The following GK5 variants were observed in gnomAD, a reference collection of about 807,000 sequenced individuals.
GK5 encodes glycerol kinase 5.
GK5 carries 39 observed loss-of-function variants against 77.3 expected under a neutral mutation model. The observed-to-expected ratio is 0.50, with a 90% confidence interval of 0.39 to 0.66. The LOEUF (loss-of-function observed/expected upper bound fraction) is 0.66. Among genes scored for constraint, GK5 ranks in the 30% least tolerant of loss-of-function variants. The pLI, the probability that GK5 is intolerant of heterozygous loss-of-function variation, is 0.00. For missense variants in GK5, 487 were observed against 633.8 expected (o/e 0.77, Z 2.49); for synonymous variants, 211 against 208.0 (o/e 1.01, Z -0.13).
In GK5 at chr3:142,212,219, C is replaced by T. The variant is rs140723364; in HGVS notation, c.317+1307G>A. ...ACAGTGGTGTGTGTGGGTACGTGGG[C>T]GGGGGGATTTTGGGGGAGGGAATGT... is the stretch of plus-strand genomic sequence containing the variant. On this transcript the variant is annotated intron_variant, in intron 3 of 15. Coordinates refer to ENST00000392993, the MANE Select transcript of GK5 (RefSeq NM_001039547.3). Among the ~76,000 whole-genome samples the T allele has an allele frequency of 3.1e-3, 472 of 150,242 alleles. 2 individuals are homozygous for T. Among genetic ancestry groups the T allele is most frequent in the Middle Eastern group, 0.01 (3 of 294 alleles).
intron 5 of GK5, among the ~76,000 whole-genome samples, chr3:142,193,996 C>A (rs1025475726): frequency 2.0e-5 from 3 of 152,282 alleles, no homozygotes; most frequent in East Asian, 3.9e-4. Flanking sequence ...CCCCCTCGGC[C>A]TCCCAAAGTG....
intron 15 of GK5, among the ~76,000 whole-genome samples, chr3:142,167,853 A>C (rs2063490921): frequency 6.6e-6 from 1 of 152,134 alleles, no homozygotes; most frequent in Admixed American, 6.5e-5. Context: ...CTCTACTAAA[A>C]ATACAAAAAT....
At position 142,165,498 on chromosome 3, in the gene GK5, A is replaced by T; in HGVS notation, c.*124T>A. On this transcript the variant is annotated 3_prime_UTR_variant, in exon 16 of 16. Transcript: ENST00000392993. ...TGTTTTTTTAAAAGCAATGCTTCTTAAGTTATGAAGCTTATTTAAAATTTT... is the reference window on the plus strand; with the variant it reads ...TGTTTTTTTAAAAGCAATGCTTCTTTAGTTATGAAGCTTATTTAAAATTTT... 1 of 655,836 alleles carries T rather than the reference A, an allele frequency of 1.5e-6. No homozygotes were observed. Among genetic ancestry groups the T allele is most frequent in the Non-Finnish European group, 2.4e-6 (1 of 416,780 alleles). The allele number at this position is 655,836 out of a possible 1,614,324, so 40.6% of individuals were successfully genotyped here.
In GK5 at chr3:142,225,545, C is replaced by T. The variant is rs931973850; in HGVS notation, c.-90G>A. Reference sequence around the variant, plus strand: ...TCCAGAGTCCCCGGGCGGCCCAACCCGGGCCCCAACCCGGCTCAGCCGGAG... The same window carrying T: ...TCCAGAGTCCCCGGGCGGCCCAACCTGGGCCCCAACCCGGCTCAGCCGGAG... On this transcript the variant is annotated 5_prime_UTR_variant, in exon 1 of 16. Coordinates refer to ENST00000392993, the MANE Select transcript of GK5 (RefSeq NM_001039547.3). The T allele has an allele frequency of 3.4e-6, 5 of 1,476,362 alleles. No homozygotes were observed. The highest frequency in any genetic ancestry group is 4.5e-6 in the Non-Finnish European group (5 of 1,109,228). 91.5% of individuals were successfully genotyped at this position (1,476,362 alleles called of 1,614,324 possible).
At chr3:142,173,679 G>T (rs1448913802) in intron 12 of GK5, among the ~76,000 whole-genome samples, 1 of 139,358 alleles carries the variant, frequency 7.2e-6, no homozygotes, top group Non-Finnish European at 1.6e-5. Context: ...GCAAGACTCC[G>T]TCTCAAAACA....
chr3:142,175,408 TAGG>T (rs941044053), intron 12 of GK5, among the ~76,000 whole-genome samples: 17 of 152,280 alleles, frequency 1.1e-4, no homozygotes, highest in Admixed American at 1.3e-4. Context: ...ATGAGACTAT[TAGG>T]GGCCTTCAAC....
Position 142,170,378 on chromosome 3 carries a change from G to T in GK5, c.1388C>A (p.Ala463Asp). Residue 463 changes from alanine to aspartate, a missense_variant, in exon 15 of 16, where the codon GCC becomes GAC. Physicochemically the swap from Ala to Asp is moderately radical, Grantham distance 126 (BLOSUM62 -2). This residue lies in a region of GK5 where 65 missense variants were observed against 89.9 expected (regional missense o/e 0.72). Transcript: ENST00000392993. Reference sequence around the variant, plus strand: ...ACCCAGGCATGACATGTCAATGTCGGCAGGTCTGTCTATATTCTCATTAAT... The same window carrying T: ...ACCCAGGCATGACATGTCAATGTCGTCAGGTCTGTCTATATTCTCATTAAT... The part of the protein sequence containing the change: ...DLINENIDRP[A>D]DIDMSCLGAA... 1 of 1,613,808 alleles carries T rather than the reference G, an allele frequency of 6.2e-7. No homozygotes were observed.
rs556634569 is a variant in GK5, at chr3:142,158,975, G to C, written c.*6647C>G. 3.3e-5 allele frequency: 5 copies of C among 152,196 alleles called. No individual in the cohort carries two copies. The highest frequency in any genetic ancestry group is 6.5e-5 in the Admixed American group (1 of 15,282). The allele number at this position is 152,196 out of a possible 1,614,324, so 9.4% of individuals were successfully genotyped here. A position where few individuals can be genotyped will look rare whatever the true frequency, so the allele number is the denominator to read the frequency against. ...CAAAATGCTATACACATTTTGCCTG[G>C]AAAGATTTAAAAAATCCCACATAAT... is the stretch of plus-strand genomic sequence containing the variant. On this transcript the variant is annotated 3_prime_UTR_variant, in exon 16 of 16. Coordinates refer to ENST00000392993, the MANE Select transcript of GK5 (RefSeq NM_001039547.3).
rs2063408723 is a variant in GK5 at position 142,159,608 on chromosome 3, A to G, written c.*6014T>C. 6.6e-6 allele frequency: 1 copy of G among 150,696 alleles called. No homozygotes were observed. Among genetic ancestry groups the G allele is most frequent in the African/African-American group, 2.5e-5 (1 of 40,666 alleles). 9.3% of individuals were successfully genotyped at this position (150,696 alleles called of 1,614,324 possible). Reference sequence around the variant, plus strand: ...AATAGATGCTGGTGCCAAAATATTTATGGCTATGAGGCTTCAAAACTTAAA... The same window carrying G: ...AATAGATGCTGGTGCCAAAATATTTGTGGCTATGAGGCTTCAAAACTTAAA... On this transcript the variant is annotated 3_prime_UTR_variant, in exon 16 of 16. Coordinates refer to ENST00000392993, the MANE Select transcript of GK5 (RefSeq NM_001039547.3).
At chr3:142,221,229 T>C (rs1172874885) in intron 1 of GK5, among the ~76,000 whole-genome samples, 1 of 152,208 alleles carries the variant, frequency 6.6e-6, no homozygotes, top group Non-Finnish European at 1.5e-5. Context: ...AAAAAACAGA[T>C]TTAACACAAT....
intron 3 of GK5, among the ~76,000 whole-genome samples, chr3:142,210,207 T>G (rs1227843501): frequency 6.6e-6 from 1 of 151,950 alleles, no homozygotes; most frequent in Non-Finnish European, 1.5e-5. Flanking sequence ...ACAGCAACTG[T>G]GAGGAAAATA....
chr3:142,190,617 AAT>A (rs748690974), intron 5 of GK5, among the ~76,000 whole-genome samples: 42 of 152,324 alleles, frequency 2.8e-4, no homozygotes, highest in Non-Finnish European at 3.8e-4. Context: ...AAGCACAGAA[AAT>A]ATGTTTGATA....
chr3:142,215,502 T>C (rs2064261498), intron 2 of GK5, 97 bp downstream of exon 2: 3 of 640,880 alleles, frequency 4.7e-6, no homozygotes, highest in Admixed American at 3.0e-5. Flanking sequence ...ACTATATATA[T>C]GTATAACTTA....
intron 12 of GK5, among the ~76,000 whole-genome samples, chr3:142,172,750 G>A (rs1375560974): frequency 6.6e-6 from 1 of 152,154 alleles, no homozygotes; most frequent in Admixed American, 6.5e-5. Context: ...GGAAAATGAA[G>A]AGCAATCACA....
rs1204443284 is a variant in GK5, at chr3:142,164,481, G to A, written c.*1141C>T. On this transcript the variant is annotated 3_prime_UTR_variant, in exon 16 of 16. Coordinates refer to ENST00000392993, the MANE Select transcript of GK5 (RefSeq NM_001039547.3). ...TACTCACGACTTACTCCTCCTCACT[G>A]TTTCTTCCAAGAAAGTCTAAGCATG... 6.6e-6 allele frequency: 1 copy of A among 152,218 alleles called. No individual in the cohort carries two copies. Among genetic ancestry groups the A allele is most frequent in the Non-Finnish European group, 1.5e-5 (1 of 68,078 alleles). The allele number at this position is 152,218 out of a possible 1,614,324, so 9.4% of individuals were successfully genotyped here.
intron 3 of GK5, among the ~76,000 whole-genome samples, chr3:142,206,374 T>C (rs915074889): frequency 1.3e-5 from 2 of 152,236 alleles, no homozygotes; most frequent in Non-Finnish European, 2.9e-5. Context: ...TTTACATTTC[T>C]ACCAGTAATG....
chr3:142,184,767 C>T (rs2063745573), intron 9 of GK5: 15 of 661,562 alleles, frequency 2.3e-5, no homozygotes, highest in South Asian at 2.0e-4. Flanking sequence ...ACCCGAGAGG[C>T]GGAGGTCACA....
intron 11 of GK5, among the ~76,000 whole-genome samples, chr3:142,181,190 C>G (rs570539152): frequency 3.9e-5 from 6 of 152,244 alleles, no homozygotes; most frequent in African/African-American, 1.4e-4. Context: ...ACCAATTTGT[C>G]TTTTATTTTG....
rs921364827 is a variant in GK5, at chr3:142,165,511, T to A, written c.*111A>T. The A allele has an allele frequency of 1.5e-4, 104 of 699,962 alleles. No homozygotes were observed. Among genetic ancestry groups the A allele is most frequent in the Non-Finnish European group, 2.3e-4 (102 of 452,812 alleles). The allele number at this position is 699,962 out of a possible 1,614,324, so 43.4% of individuals were successfully genotyped here. A position where few individuals can be genotyped will look rare whatever the true frequency, so the allele number is the denominator to read the frequency against. On this transcript the variant is annotated 3_prime_UTR_variant, in exon 16 of 16. Coordinates refer to ENST00000392993, the MANE Select transcript of GK5 (RefSeq NM_001039547.3). ...GCAATGCTTCTTAAGTTATGAAGCT[T>A]ATTTAAAATTTTCTCCTCTTAGTCA...
Sources: gnomAD v4.1 joint callset for allele counts (sites outside exome capture counted in the v4.1 genomes callset) on GRCh38, gnomAD v4.1.1 for gene constraint, gnomAD v4.1.1 regional missense constraint, MANE v1.5 for transcripts, NCBI Gene and HGNC (gene_info 2026-07-23, HGNC 2026-07-21) for gene names.